The following TENM1 variants were observed in gnomAD, a reference collection of about 807,000 sequenced individuals.
The protein encoded by TENM1 is teneurin transmembrane protein 1, also known as teneurin-1.
TENM1 carries 35 observed loss-of-function variants against 174.8 expected under a neutral mutation model. The ratio of observed to expected loss-of-function variants is 0.20; its 90% CI spans 0.15 to 0.27. TENM1 has a LOEUF of 0.27. TENM1 is among the 10% of genes least tolerant of loss of function. The pLI is 1.00. For missense variants in TENM1, 1,633 were observed against 2,130.1 expected (o/e 0.77, Z 4.59); for synonymous variants, 781 against 798.7 (o/e 0.98, Z 0.37).
At chrX:124,392,465 A>G in intron 27 of TENM1, 117 bp from the exon 31 acceptor site, 1 of 579,231 alleles carries the variant, frequency 1.7e-6, no homozygotes, top group Non-Finnish European at 2.7e-6. Flanking sequence ...TTGCCTCTGA[A>G]GCCTCACGGC....
chrX:124,945,037 A>G (rs1227257212), intron 1 of TENM1, among the ~76,000 whole-genome samples: 2 of 110,994 alleles, frequency 1.8e-5, no homozygotes, highest in African/African-American at 6.5e-5. Flanking sequence ...GATAAGCACT[A>G]TGGAAAGAAA....
At chrX:124,429,818 T>C (rs2060758013) in intron 23 of TENM1, among the ~76,000 whole-genome samples, 1 of 111,904 alleles carries the variant, frequency 8.9e-6, no homozygotes. Context: ...CTTTTACACA[T>C]TAGGTGCCAG....
rs748912115 is a variant in TENM1, at chrX:124,791,079, G to T, written c.536-53882C>A. On this transcript the variant is annotated intron_variant, in intron 3 of 31. Transcript: ENST00000422452. ...ACATATTAATTGCCAATAATTACTT[G>T]CATCAAGGTAACTTGTGTTATTTAA... Among the ~76,000 whole-genome samples, 371 of 111,896 alleles carry T rather than the reference G, an allele frequency of 3.3e-3. 2 individuals carry two copies. The highest frequency in any genetic ancestry group is 0.011 in the African/African-American group (351 of 30,883).
the TENM1 span, among the ~76,000 whole-genome samples, chrX:125,021,411 C>T: frequency 1.8e-5 from 2 of 111,111 alleles, no homozygotes; most frequent in African/African-American, 3.3e-5. Context: ...TATTCTTGCG[C>T]ATTAGCACCT....
chrX:125,165,588 A>G, the TENM1 span, among the ~76,000 whole-genome samples: 1 of 112,156 alleles, frequency 8.9e-6, no homozygotes, highest in African/African-American at 3.2e-5. Flanking sequence ...GTGGGAAGAC[A>G]AAAGCTGAGC....
the TENM1 span, among the ~76,000 whole-genome samples, chrX:125,137,476 G>T: frequency 9.2e-6 from 1 of 108,198 alleles, no homozygotes; most frequent in African/African-American, 3.4e-5. Flanking sequence ...AATAAATGGT[G>T]TCTTTTGCCT....
intron 27 of TENM1, among the ~76,000 whole-genome samples, chrX:124,393,429 G>GA (rs1310704676): frequency 2.2e-4 from 23 of 103,044 alleles, no homozygotes; most frequent in East Asian, 5.9e-4. Flanking sequence ...GTGTGTTTCA[G>GA]AAAAAAAAAA....
At chrX:124,529,748 GA>G in intron 16 of TENM1, 115 bp downstream of exon 19, 1 of 956,737 alleles carries the variant, frequency 1.0e-6, no homozygotes, top group South Asian at 2.2e-5. Context: ...GACTTTTTGA[GA>G]TATAACTTGA....
chrX:124,583,203 G>A (rs1471276471), intron 11 of TENM1, among the ~76,000 whole-genome samples: 1 of 111,506 alleles, frequency 9.0e-6, no homozygotes, highest in African/African-American at 3.3e-5. Flanking sequence ...GCACGCAGCT[G>A]GAGATCTGAG....
chrX:125,116,675 A>G, the TENM1 span, among the ~76,000 whole-genome samples: 1 of 112,536 alleles, frequency 8.9e-6, no homozygotes, highest in East Asian at 2.8e-4. Context: ...TCAAAACTAC[A>G]ATGAGATACC....
chrX:124,831,282 C>T (rs2056283910), intron 3 of TENM1, among the ~76,000 whole-genome samples: 1 of 111,522 alleles, frequency 9.0e-6, no homozygotes, highest in Non-Finnish European at 1.9e-5. Flanking sequence ...ACCTCGAGCA[C>T]CTGAAAGTTC....
At position 124,795,792 on chromosome X, in the gene TENM1, G is replaced by A. The variant is rs186031505; in HGVS notation, c.536-58595C>T. ...AACATTTTTGACAGGCCAAAATGTGGAACAAAAGTGGGTTTAAAATGAAAG... is the reference window on the plus strand; with the variant it reads ...AACATTTTTGACAGGCCAAAATGTGAAACAAAAGTGGGTTTAAAATGAAAG... On this transcript the variant is annotated intron_variant, in intron 3 of 31. Transcript: ENST00000422452. Among the ~76,000 whole-genome samples the A allele has an allele frequency of 3.8e-3, 417 of 110,480 alleles. 3 individuals carry two copies. Among genetic ancestry groups the A allele is most frequent in the African/African-American group, 0.013 (401 of 30,425 alleles).
chrX:124,706,946 C>CTTTTT (rs1190388752), intron 4 of TENM1, among the ~76,000 whole-genome samples: 4 of 88,025 alleles, frequency 4.5e-5, no homozygotes, highest in East Asian at 3.6e-4. Flanking sequence ...AGTCCTTAAT[C>CTTTTT]TTTTTTTTTT....
chrX:124,719,282 C>A (rs1227790418), intron 4 of TENM1, among the ~76,000 whole-genome samples: 1 of 109,993 alleles, frequency 9.1e-6, no homozygotes, highest in African/African-American at 3.3e-5. Flanking sequence ...TACCCTGAAC[C>A]CTAGGGCCAG....
the TENM1 span, among the ~76,000 whole-genome samples, chrX:125,203,427 G>A: frequency 2.8e-4 from 32 of 112,387 alleles, no homozygotes; most frequent in South Asian, 0.012. Context: ...CGCGAGAGCC[G>A]AGGCGAGGAG....
chrX:124,989,446 G>A, the TENM1 span, among the ~76,000 whole-genome samples: 1 of 110,954 alleles, frequency 9.0e-6, no homozygotes, highest in African/African-American at 3.3e-5. Flanking sequence ...AACATTAAGA[G>A]GTCAATTGTC....
intron 20 of TENM1, among the ~76,000 whole-genome samples, chrX:124,490,092 G>A (rs981786971): frequency 1.8e-5 from 2 of 111,969 alleles, no homozygotes; most frequent in East Asian, 2.8e-4. Flanking sequence ...CAAGGGACTC[G>A]TGAATGCTTT....
intron 3 of TENM1, among the ~76,000 whole-genome samples, chrX:124,759,416 A>G (rs967464064): frequency 9.0e-6 from 1 of 111,603 alleles, no homozygotes; most frequent in Admixed American, 9.5e-5. Context: ...TGGTGCACCC[A>G]TCACTCAAGT....
chrX:124,450,936 G>C (rs66691783), intron 23 of TENM1, among the ~76,000 whole-genome samples: 19,943 of 111,557 alleles, frequency 0.18, 1,762 homozygotes, highest in East Asian at 0.79. Flanking sequence ...TTTTAGACAA[G>C]TATTTTATTA....
Sources: gnomAD v4.1 joint callset for allele counts (sites outside exome capture counted in the v4.1 genomes callset) on GRCh38, gnomAD v4.1.1 for gene constraint, MANE v1.5 for transcripts, NCBI Gene and HGNC (gene_info 2026-07-23, HGNC 2026-07-21) for gene names.